Variants in AGMO observed in about 807,000 individuals in gnomAD.
AGMO encodes the protein alkylglycerol monooxygenase, also known as glyceryl-ether monooxygenase.
In AGMO, 75 loss-of-function variants were observed where a neutral mutation model predicts 60.2. That is an observed-to-expected ratio of 1.25 (90% CI 1.03 to 1.51). The LOEUF is 1.51. AGMO is among the 40% of genes most tolerant of loss of function. The probability of loss-of-function intolerance (pLI) is 0.00; values close to 1 mark genes in which losing one functional copy is unlikely to be tolerated. For missense variants in AGMO, 763 were observed against 525.5 expected (o/e 1.45, Z -4.42); for synonymous variants, 261 against 177.1 (o/e 1.47, Z -3.76).
chr7:15,323,041 A>G (rs1781230204), intron 12 of AGMO, among the ~76,000 whole-genome samples: 1 of 150,572 alleles, frequency 6.6e-6, no homozygotes, highest in Non-Finnish European at 1.5e-5. Flanking sequence ...TATGTACACA[A>G]CTGTGATCAT....
intron 12 of AGMO, among the ~76,000 whole-genome samples, chr7:15,248,214 A>ATACATATATATATATATATATATG (rs1782819569): frequency 1.4e-5 from 1 of 71,160 alleles, no homozygotes; most frequent in Non-Finnish European, 3.0e-5. Context: ...ATATATATAT[A>ATACATATATATATATATATATATG]TATATATATA....
chr7:15,466,772 T>A (rs1384978949), intron 3 of AGMO, among the ~76,000 whole-genome samples: 1 of 152,190 alleles, frequency 6.6e-6, no homozygotes, highest in Non-Finnish European at 1.5e-5. Context: ...TTAAATATTC[T>A]CATTTTAAGT....
intron 3 of AGMO, among the ~76,000 whole-genome samples, chr7:15,432,379 T>TATATATATATATATATATATACATAC (rs373845365): frequency 1.1e-3 from 154 of 136,158 alleles, no homozygotes; most frequent in African/African-American, 4.1e-3. Context: ...CATATATATA[T>TATATATATATATATATATATACATAC]ACACTATCTG....
intron 12 of AGMO, among the ~76,000 whole-genome samples, chr7:15,331,535 G>A (rs1472811417): frequency 6.6e-6 from 1 of 152,162 alleles, no homozygotes; most frequent in African/African-American, 2.4e-5. Flanking sequence ...CTGTGTTCCT[G>A]TAAAGATTTT....
chr7:15,133,728 G>T, the AGMO span, among the ~76,000 whole-genome samples: 1 of 152,078 alleles, frequency 6.6e-6, no homozygotes. Flanking sequence ...ATTAGTAACT[G>T]TTTTGCCTTT....
At chr7:15,188,743 T>A in the AGMO span, among the ~76,000 whole-genome samples, 3 of 140,314 alleles carry the variant, frequency 2.1e-5, no homozygotes, top group East Asian at 6.7e-4. Flanking sequence ...ACGTCTGAAC[T>A]GAGGTAATAC....
intron 3 of AGMO, among the ~76,000 whole-genome samples, chr7:15,489,416 G>A (rs1161461146): frequency 6.6e-6 from 1 of 152,140 alleles, no homozygotes; most frequent in African/African-American, 2.4e-5. Flanking sequence ...CTTGGCTATT[G>A]TTATATTATT....
intron 3 of AGMO, among the ~76,000 whole-genome samples, chr7:15,440,813 T>G (rs1781534545): frequency 6.6e-6 from 1 of 152,222 alleles, no homozygotes. Flanking sequence ...TTGTCCAATC[T>G]ATTACAAAGT....
chr7:15,540,508 C>T (rs575995404), intron 3 of AGMO, among the ~76,000 whole-genome samples: 10 of 152,270 alleles, frequency 6.6e-5, no homozygotes, highest in Non-Finnish European at 8.8e-5. Context: ...CAGTGTCCCT[C>T]CAGCCCCTTA....
At chr7:15,339,396 G>A (rs371829591) in intron 12 of AGMO, among the ~76,000 whole-genome samples, 1 of 152,108 alleles carries the variant, frequency 6.6e-6, no homozygotes, top group South Asian at 2.1e-4. Context: ...GTTATTTGAG[G>A]ATAAGTACAC....
At chr7:15,366,392 C>T (rs1435435809) in intron 10 of AGMO, among the ~76,000 whole-genome samples, 170 bp from the exon 11 acceptor site, 1 of 152,244 alleles carries the variant, frequency 6.6e-6, no homozygotes, top group East Asian at 1.9e-4. Flanking sequence ...TTCTTAATGT[C>T]TTTCAGTTCC....
At chr7:15,118,235 A>C in the AGMO span, among the ~76,000 whole-genome samples, 1 of 151,328 alleles carries the variant, frequency 6.6e-6, no homozygotes, top group Admixed American at 6.6e-5. Context: ...TAAATATTTC[A>C]GATAGAACAT....
intron 3 of AGMO, among the ~76,000 whole-genome samples, chr7:15,531,470 T>C (rs1583655861): frequency 3.2e-5 from 2 of 62,044 alleles, no homozygotes; most frequent in South Asian, 1.0e-3. Context: ...ATATTCTATA[T>C]ATATTCTCTA....
intron 12 of AGMO, among the ~76,000 whole-genome samples, chr7:15,210,573 C>T (rs745411218): frequency 7.2e-5 from 11 of 151,904 alleles, no homozygotes; most frequent in Admixed American, 6.6e-5. Flanking sequence ...AAGAATTTAC[C>T]TAAAGGAATT....
intron 12 of AGMO, among the ~76,000 whole-genome samples, chr7:15,221,877 C>T (rs1656204806): frequency 1.3e-5 from 2 of 151,976 alleles, no homozygotes; most frequent in African/African-American, 4.8e-5. Context: ...GCAATTTCAC[C>T]AATTTCATAA....
the AGMO span, among the ~76,000 whole-genome samples, chr7:15,194,752 A>C: frequency 6.6e-6 from 1 of 152,154 alleles, no homozygotes; most frequent in African/African-American, 2.4e-5. Context: ...TGATGATTTT[A>C]TGCATCTTGC....
At chr7:15,203,640 A>G (rs1282302877) in intron 12 of AGMO, among the ~76,000 whole-genome samples, 1 of 152,014 alleles carries the variant, frequency 6.6e-6, no homozygotes, top group East Asian at 1.9e-4. Context: ...TTAGGCCAGC[A>G]CTGTCCCACA....
chr7:15,490,339 A>G (rs1241621518), intron 3 of AGMO, among the ~76,000 whole-genome samples: 1 of 152,200 alleles, frequency 6.6e-6, no homozygotes, highest in Non-Finnish European at 1.5e-5. Context: ...TCCTCTTGGA[A>G]AAGAATGTGC....
At position 15,399,180 on chromosome 7, in the gene AGMO, C is replaced by T. The variant is rs116905765; in HGVS notation, c.610-5001G>A. Among the ~76,000 whole-genome samples the T allele has an allele frequency of 7.2e-4, 110 of 152,156 alleles. 2 individuals are homozygous for T. The East Asian group carries it at 0.018, about 25-fold the overall frequency. Reference sequence around the variant, plus strand: ...AAGTTGTTTTTTCTCGGTCTTACAACTTGAGAACTATGGATGCCTAGAAGG... The same window carrying T: ...AAGTTGTTTTTTCTCGGTCTTACAATTTGAGAACTATGGATGCCTAGAAGG... On this transcript the variant is annotated intron_variant, in intron 5 of 12. Transcript: ENST00000342526.
Sources: gnomAD v4.1 joint callset for allele counts (sites outside exome capture counted in the v4.1 genomes callset) on GRCh38, gnomAD v4.1.1 for gene constraint, MANE v1.5 for transcripts, NCBI Gene and HGNC (gene_info 2026-07-23, HGNC 2026-07-21) for gene names.